Variants in DRC1 observed in about 807,000 individuals in gnomAD.
DRC1 encodes the protein dynein regulatory complex protein 1.
A neutral mutation model predicts 98.7 loss-of-function variants in DRC1; 74 were observed. That is an observed-to-expected ratio of 0.75 (90% CI 0.62 to 0.91). The LOEUF is 0.91. DRC1 is among the 40% of genes least tolerant of loss of function. DRC1 has a pLI of 0.00. For synonymous variants in DRC1, 336 were observed against 334.1 expected, an observed-to-expected ratio of 1.01 and a Z score of -0.06; for missense variants, 875 against 886.0, an observed-to-expected ratio of 0.99 and a Z score of 0.16.
In DRC1 at chr2:26,456,678, T is replaced by C. The variant is rs1664187217; in HGVS notation, c.*161T>C. On this transcript the variant is annotated 3_prime_UTR_variant, in exon 17 of 17. Coordinates refer to ENST00000288710, the MANE Select transcript of DRC1 (RefSeq NM_145038.5). ...AATAAGGAGCCAGAGGAGTTACCTG[T>C]GTCCTGCATTATGATTAAAGCCTTT... 4.1e-6 allele frequency: 3 copies of C among 737,640 alleles called. No individual in the cohort carries two copies. In the Admixed American group the frequency reaches 8.4e-5, roughly 21 times the overall value. The allele number at this position is 737,640 out of a possible 1,614,324, so 45.7% of individuals were successfully genotyped here.
chr2:26,440,437 A>G lies in DRC1; in HGVS notation c.948A>G (p.Leu316=). The G allele has an allele frequency of 6.2e-7, 1 of 1,613,590 alleles. No individual in the cohort carries two copies. The highest frequency in any genetic ancestry group is 8.5e-7 in the Non-Finnish European group (1 of 1,179,790). ...TTTATCAGCTAAACCAAGAGAAATT[A>G]GAGTACAACTTGCAGGTGCTGAAGA... ...KAIYQLNQEK[L]EYNLQVLKKR... Residue 316 remains leucine, a synonymous_variant, in exon 8 of 17, where the codon TTA becomes TTG. Transcript: ENST00000288710.
chr2:26,423,648 C>T (rs1231206525), intron 3 of DRC1, among the ~76,000 whole-genome samples: 10 of 152,188 alleles, frequency 6.6e-5, no homozygotes, highest in Admixed American at 6.5e-4. Flanking sequence ...TTATTGGTAA[C>T]TTGGGAGAGG....
At chr2:26,433,632 A>T (rs532280074) in intron 7 of DRC1, among the ~76,000 whole-genome samples, 1 of 152,244 alleles carries the variant, frequency 6.6e-6, no homozygotes, top group African/African-American at 2.4e-5. Flanking sequence ...ATGGAATTTC[A>T]TGTCCTTAAT....
At chr2:26,415,092 G>A (rs141131398) in intron 2 of DRC1, among the ~76,000 whole-genome samples, 2 of 152,312 alleles carry the variant, frequency 1.3e-5, no homozygotes, top group African/African-American at 2.4e-5. Context: ...TGTATGTACT[G>A]TGAGAATGAG....
In DRC1 at chr2:26,431,912, A is replaced by G. The variant is rs1663446336; in HGVS notation, c.794A>G (p.Lys265Arg). The G allele has an allele frequency of 6.2e-7, 1 of 1,614,086 alleles. No individual in the cohort carries two copies. Among genetic ancestry groups the G allele is most frequent in the Non-Finnish European group, 8.5e-7 (1 of 1,179,962 alleles). Residue 265 changes from lysine (K) to arginine (R), a missense_variant, in exon 7 of 17, where the codon AAA (lysine) becomes AGA (arginine). Physicochemically the swap from Lys to Arg is conservative, Grantham distance 26. Transcript: ENST00000288710. ...GAGTATCTTAACAACCGCATGAAGA[A>G]AGTAGAGGACTATGAGAAGCAGCTG... is the stretch of plus-strand genomic sequence containing the variant. ...ELEYLNNRMKKVEDYEKQLNR... is the reference protein window; with the variant it reads ...ELEYLNNRMKRVEDYEKQLNR...
At position 26,423,493 on chromosome 2, in the gene DRC1, C is replaced by T. The variant is rs552572741; in HGVS notation, c.357-778C>T. Among the ~76,000 whole-genome samples the T allele has an allele frequency of 6.8e-4, 104 of 152,248 alleles. 1 individual carries two copies. Among genetic ancestry groups the T allele is most frequent in the African/African-American group, 2.4e-3 (99 of 41,540 alleles). ...TTAGCCACTGTTCCCAGAGGGGCCC[C>T]AGCTCAGCTCTCCTGCCTTCCTGCC... On this transcript the variant is annotated intron_variant, in intron 3 of 16. Coordinates refer to ENST00000288710, the MANE Select transcript of DRC1 (RefSeq NM_145038.5).
chr2:26,409,410 T>C (rs374739815), intron 1 of DRC1, among the ~76,000 whole-genome samples: 1 of 152,240 alleles, frequency 6.6e-6, no homozygotes, highest in South Asian at 2.1e-4. Context: ...GGTGTGTTTA[T>C]GTACACATAA....
chr2:26,432,989 G>C (rs1470939799), intron 7 of DRC1, among the ~76,000 whole-genome samples: 1 of 152,170 alleles, frequency 6.6e-6, no homozygotes, highest in African/African-American at 2.4e-5. Context: ...GGCAAATTCT[G>C]ACTATCAGAA....
Position 26,455,357 on chromosome 2 carries a change from T to G in DRC1, c.2166+124T>G. ...GAGGCAAGGGAGCTTTGTGATATGA[T>G]GTAAAAAATCAAGAGTGGCACCTTG... On this transcript the variant is annotated intron_variant, in intron 16 of 16. Coordinates refer to ENST00000288710, the MANE Select transcript of DRC1 (RefSeq NM_145038.5). 5 of 898,396 alleles carry G rather than the reference T, an allele frequency of 5.6e-6. No individual in the cohort carries two copies. The South Asian group carries it at 8.5e-5, about 15-fold the overall frequency. The allele number at this position is 898,396 out of a possible 1,614,324, so 55.7% of individuals were successfully genotyped here.
intron 1 of DRC1, among the ~76,000 whole-genome samples, chr2:26,403,615 C>G (rs1044298108): frequency 1.3e-5 from 2 of 151,362 alleles, no homozygotes; most frequent in African/African-American, 4.9e-5. Context: ...GCCAACATGG[C>G]GAAACCCTGT....
chr2:26,448,772 A>G lies in DRC1; in HGVS notation c.1478A>G (p.Lys493Arg), dbSNP rs1663926083. 1 of 1,614,200 alleles carries G rather than the reference A, an allele frequency of 6.2e-7. No homozygotes were observed. The highest frequency in any genetic ancestry group is 8.5e-7 in the Non-Finnish European group (1 of 1,180,044). Residue 493 changes from lysine (K) to arginine (R), a missense_variant, in exon 11 of 17, where the codon AAG becomes AGG. Transcript: ENST00000288710. Reference sequence around the variant, plus strand: ...AAGCAAATTTCTGAAAAAACTACCAAGAGGATCCTGATGCTCCTGTGTGAC... The same window carrying G: ...AAGCAAATTTCTGAAAAAACTACCAGGAGGATCCTGATGCTCCTGTGTGAC... Reference protein sequence around the residue: ...LPKQISEKTTKRILMLLCDES... With the variant: ...LPKQISEKTTRRILMLLCDES...
intron 8 of DRC1, among the ~76,000 whole-genome samples, chr2:26,442,196 T>A (rs949283415): frequency 6.6e-6 from 1 of 152,204 alleles, no homozygotes; most frequent in East Asian, 1.9e-4. Flanking sequence ...CCATTCATGA[T>A]GGAGGAGGCC....
chr2:26,421,517 C>G, intron 3 of DRC1, 117 bp downstream of exon 3: 1 of 589,178 alleles, frequency 1.7e-6, no homozygotes, highest in Non-Finnish European at 2.8e-6. Context: ...CCTTCCTGCC[C>G]TTATAACTTC....
intron 7 of DRC1, among the ~76,000 whole-genome samples, chr2:26,433,839 AG>A (rs1280529482): frequency 6.6e-6 from 1 of 152,122 alleles, no homozygotes; most frequent in Non-Finnish European, 1.5e-5. Flanking sequence ...TCAGGCAGAA[AG>A]GGGTCACAGA....
chr2:26,403,824 G>T (rs1234455031), intron 1 of DRC1, among the ~76,000 whole-genome samples: 2 of 146,214 alleles, frequency 1.4e-5, no homozygotes, highest in African/African-American at 5.1e-5. Context: ...AATTGGGCCG[G>T]GCGCAGTGGC....
intron 2 of DRC1, among the ~76,000 whole-genome samples, chr2:26,415,980 G>T (rs1211184184): frequency 6.7e-6 from 1 of 149,890 alleles, no homozygotes; most frequent in East Asian, 2.0e-4. Context: ...GAGCATTTCT[G>T]TGTAGGACAA....
At chr2:26,418,976 C>T (rs143766168) in intron 2 of DRC1, among the ~76,000 whole-genome samples, 8,211 of 149,716 alleles carry the variant, frequency 0.055, 383 homozygotes, top group African/African-American at 0.13. Context: ...GCAACCTCCA[C>T]CTCCTGGGTT....
intron 13 of DRC1, among the ~76,000 whole-genome samples, chr2:26,452,045 G>A (rs1664019475): frequency 6.6e-6 from 1 of 151,358 alleles, no homozygotes; most frequent in Non-Finnish European, 1.5e-5. Context: ...TAAGAGAAAT[G>A]CAAATTAAAA....
Position 26,430,847 on chromosome 2 carries a change from C to G in DRC1, c.740C>G (p.Ala247Gly). Residue 247 changes from alanine to glycine, a missense_variant, in exon 6 of 17, where the codon GCC becomes GGC. Ala to Gly is a moderately conservative substitution (Grantham distance 60, BLOSUM62 0). Coordinates refer to ENST00000288710, the MANE Select transcript of DRC1 (RefSeq NM_145038.5). ...AGTAATAAGAAGAAATGGGAGCAAG[C>G]CCTTCAGGCTCATAATGCCAAAGAG... The part of the protein sequence containing the change: ...LASNKKKWEQ[A>G]LQAHNAKELE... 6.2e-7 allele frequency: 1 copy of G among 1,614,120 alleles called. No homozygotes were observed. The highest frequency in any genetic ancestry group is 1.1e-5 in the South Asian group (1 of 91,084).
Sources: allele counts gnomAD v4.1 joint callset (sites outside exome capture counted in the v4.1 genomes callset), GRCh38; gene constraint gnomAD v4.1.1; transcripts MANE v1.5; gene names NCBI Gene and HGNC (gene_info 2026-07-23, HGNC 2026-07-21).